DCTN4: variants seen among roughly 807,000 people sequenced by gnomAD.
DCTN4 encodes dynactin subunit 4.
A neutral mutation model predicts 62.7 loss-of-function variants in DCTN4; 23 were observed. The observed-to-expected ratio is 0.37, with a 90% confidence interval of 0.26 to 0.52. DCTN4 has a LOEUF of 0.52. DCTN4 is among the 20% of genes least tolerant of loss of function. The probability of loss-of-function intolerance (pLI) is 0.92; values close to 1 mark genes in which losing one functional copy is unlikely to be tolerated. For missense variants in DCTN4, 514 were observed against 580.4 expected, an observed-to-expected ratio of 0.89 and a Z score of 1.18; for synonymous variants, 199 against 202.1, an observed-to-expected ratio of 0.98 and a Z score of 0.13.
chr5:150,725,827 G>C (rs1760123388), intron 8 of DCTN4, among the ~76,000 whole-genome samples: 1 of 152,132 alleles, frequency 6.6e-6, no homozygotes, highest in African/African-American at 2.4e-5. Context: ...CATGAAAGTT[G>C]GTAGACAATA....
At chr5:150,758,527 C>T (rs1752945353) in intron 1 of DCTN4, 1 of 1,018,782 alleles carries the variant, frequency 9.8e-7, no homozygotes. Flanking sequence ...CAGTTTTTCG[C>T]CCCTTAAGTG....
At chr5:150,713,505 G>A (rs1437024195) in intron 12 of DCTN4, among the ~76,000 whole-genome samples, 4 of 149,116 alleles carry the variant, frequency 2.7e-5, no homozygotes, top group South Asian at 2.1e-4. Flanking sequence ...GTGTAGTGGC[G>A]TGATCTGAGT....
At position 150,756,443 on chromosome 5, in the gene DCTN4, C is replaced by G; in HGVS notation, c.180G>C (p.Ser60=). Residue 60 remains serine (S), a synonymous_variant, in exon 2 of 13, where the codon TCG becomes TCC. Transcript: ENST00000447998. ...TATTCTTTTTTAGTTTGGCTTCAGC[C>G]GATGGCATATTTTCTAAACAACTGG... The part of the protein sequence containing the change: ...YCPSCLENMP[S]AEAKLKKNRC... 1 of 1,601,856 alleles carries G rather than the reference C, an allele frequency of 6.2e-7. No individual in the cohort carries two copies. Among genetic ancestry groups the G allele is most frequent in the South Asian group, 1.1e-5 (1 of 88,184 alleles).
At chr5:150,716,929 A>G (rs181503162) in intron 11 of DCTN4, among the ~76,000 whole-genome samples, 163 of 151,524 alleles carry the variant, frequency 1.1e-3, no homozygotes, top group African/African-American at 3.9e-3. Flanking sequence ...AAAAAAAAAA[A>G]GCAACAAGGA....
At position 150,753,499 on chromosome 5, in the gene DCTN4, C is replaced by T. The variant is rs1339086447; in HGVS notation, c.365G>A (p.Gly122Asp). The T allele has an allele frequency of 6.2e-7, 1 of 1,613,992 alleles. No individual in the cohort carries two copies. Among genetic ancestry groups the T allele is most frequent in the African/African-American group, 1.3e-5 (1 of 75,030 alleles). Reference sequence around the variant, plus strand: ...CTCACCTACAGATTTGTCTGCCATGCCCACATCTCTAGACGTCCAGCGACA... The same window carrying T: ...CTCACCTACAGATTTGTCTGCCATGTCCACATCTCTAGACGTCCAGCGACA... ...GFCRWTSRDV[G>D]MADKSVASGG... is the part of the protein sequence containing the mutation. The change falls in exon 3 of 13, where the codon GGC becomes GAC. Residue 122 changes from glycine (G) to aspartate (D), a missense_variant. Transcript: ENST00000447998.
intron 3 of DCTN4, among the ~76,000 whole-genome samples, chr5:150,753,048 G>A (rs1216458661): frequency 1.3e-5 from 2 of 151,998 alleles, no homozygotes; most frequent in Non-Finnish European, 2.9e-5. Context: ...GTATTTTTTA[G>A]TAGAGACGGG....
intron 9 of DCTN4, among the ~76,000 whole-genome samples, 166 bp downstream of exon 9, chr5:150,722,741 G>GGCATGTAACTA (rs1462756637): frequency 2.0e-5 from 3 of 151,828 alleles, no homozygotes; most frequent in Non-Finnish European, 4.4e-5. Flanking sequence ...TAAACTTCAT[G>GGCATGTAACTA]GCATGTAACT....
chr5:150,758,507 C>A, intron 1 of DCTN4: 3 of 1,004,672 alleles, frequency 3.0e-6, no homozygotes, highest in Non-Finnish European at 3.6e-6. Context: ...CGCAATAAAT[C>A]CTGGAAAGGC....
intron 11 of DCTN4, among the ~76,000 whole-genome samples, chr5:150,715,999 G>T (rs570042870): frequency 5.5e-4 from 84 of 152,224 alleles, no homozygotes; most frequent in African/African-American, 2.0e-3. Context: ...CTGCCTCCTG[G>T]GTTCAAGCGA....
At chr5:150,734,165 C>T (rs1056402508) in intron 4 of DCTN4, 1 of 152,074 alleles carries the variant, frequency 6.6e-6, no homozygotes, top group Non-Finnish European at 1.5e-5. Context: ...GACAGAACAA[C>T]ATGTGGAGAC....
chr5:150,725,103 A>G (rs1760093219), intron 8 of DCTN4, among the ~76,000 whole-genome samples: 1 of 147,460 alleles, frequency 6.8e-6, no homozygotes, highest in Non-Finnish European at 1.5e-5. Flanking sequence ...GCTTGCAGTG[A>G]GCCGAGATCA....
intron 3 of DCTN4, among the ~76,000 whole-genome samples, chr5:150,743,364 G>A (rs533067635): frequency 3.1e-4 from 47 of 152,326 alleles, no homozygotes; most frequent in Non-Finnish European, 5.1e-4. Flanking sequence ...TCCACCTCTC[G>A]GGGCAGGGCA....
In DCTN4 at chr5:150,743,024, T is replaced by C. The variant is rs372000278; in HGVS notation, c.386-867A>G. On this transcript the variant is annotated intron_variant, in intron 3 of 12. Transcript: ENST00000447998. ...GCGCCAGCCGAAGCAGGGCAAGGCA[T>C]TGCCTCACTTGGGAAGCGCAAGGGA... 2.1e-4 allele frequency: 33 copies of C among 154,702 alleles called. No homozygotes were observed. In the East Asian group the frequency reaches 3.4e-3, roughly 16 times the overall value. 9.6% of individuals were successfully genotyped at this position (154,702 alleles called of 1,614,324 possible). A position where few individuals can be genotyped will look rare whatever the true frequency, so the allele number is the denominator to read the frequency against.
intron 8 of DCTN4, among the ~76,000 whole-genome samples, chr5:150,728,241 GT>G (rs1450571794): frequency 6.6e-6 from 1 of 152,034 alleles, no homozygotes; most frequent in Non-Finnish European, 1.5e-5. Flanking sequence ...ATCTTTTCTT[GT>G]TAATAAAAAC....
At chr5:150,734,987 C>G (rs892033154) in intron 4 of DCTN4, among the ~76,000 whole-genome samples, 1 of 152,210 alleles carries the variant, frequency 6.6e-6, no homozygotes, top group Non-Finnish European at 1.5e-5. Context: ...GCAGCAAACC[C>G]TGCCCAAGGA....
chr5:150,717,261 T>G (rs1759795546), intron 11 of DCTN4, among the ~76,000 whole-genome samples: 1 of 152,126 alleles, frequency 6.6e-6, no homozygotes. Flanking sequence ...AGTTATTTTG[T>G]TTTTTGAGAT....
At chr5:150,732,785 A>G (rs1284721740) in intron 5 of DCTN4, among the ~76,000 whole-genome samples, 1 of 152,172 alleles carries the variant, frequency 6.6e-6, no homozygotes, top group Non-Finnish European at 1.5e-5. Flanking sequence ...TCCAAATCCT[A>G]ATTTCTTTCT....
rs1056172235 is a variant in DCTN4 at position 150,711,482 on chromosome 5, C to T, written c.1170-120G>A. Reference sequence around the variant, plus strand: ...TCAGCACACACAGAAAACCTATAAACACTTTGTTCTTAACCTACCAAGTAT... The same window carrying T: ...TCAGCACACACAGAAAACCTATAAATACTTTGTTCTTAACCTACCAAGTAT... On this transcript the variant is annotated intron_variant, in intron 12 of 12. Coordinates refer to ENST00000447998, the MANE Select transcript of DCTN4 (RefSeq NM_016221.4). 51 of 779,978 alleles carry T rather than the reference C, an allele frequency of 6.5e-5. 1 individual carries two copies. The highest frequency in any genetic ancestry group is 1.4e-4 in the Admixed American group (5 of 37,036). 48.3% of individuals were successfully genotyped at this position (779,978 alleles called of 1,614,324 possible).
intron 12 of DCTN4, among the ~76,000 whole-genome samples, chr5:150,714,670 C>G (rs570677999): frequency 6.6e-6 from 1 of 152,086 alleles, no homozygotes; most frequent in Non-Finnish European, 1.5e-5. Flanking sequence ...CCACCATGCC[C>G]GGCCCAGCAA....
Sources: gnomAD v4.1 joint callset for allele counts (sites outside exome capture counted in the v4.1 genomes callset) on GRCh38, gnomAD v4.1.1 for gene constraint, MANE v1.5 for transcripts, NCBI Gene and HGNC (gene_info 2026-07-23, HGNC 2026-07-21) for gene names.